Variants in BBS4 observed in about 807,000 individuals in gnomAD.
The protein encoded by BBS4 is BBSome complex member BBS4.
Under a neutral mutation model 71.4 loss-of-function variants are expected in BBS4, and 58 were observed. That is an observed-to-expected ratio of 0.81 (90% CI 0.66 to 1.01). The LOEUF is 1.01. Ranked by LOEUF, BBS4 falls within the 50% of genes least tolerant of loss-of-function variation. The pLI, the probability that BBS4 is intolerant of heterozygous loss-of-function variation, is 0.00. For synonymous variants in BBS4, 228 were observed against 216.8 expected, an observed-to-expected ratio of 1.05 and a Z score of -0.46; for missense variants, 660 against 607.9, an observed-to-expected ratio of 1.09 and a Z score of -0.90.
intron 9 of BBS4, 85 bp downstream of exon 9, chr15:72,728,079 T>C (rs2065737224): frequency 6.6e-6 from 6 of 907,366 alleles, no homozygotes; most frequent in African/African-American, 1.6e-5. Context: ...TGCATTCTGA[T>C]ATTTATTTTA....
At chr15:72,707,587 GTTTAC>G (rs1459539428) in intron 2 of BBS4, among the ~76,000 whole-genome samples, 1 of 152,176 alleles carries the variant, frequency 6.6e-6, no homozygotes, top group African/African-American at 2.4e-5. Flanking sequence ...ATTTAGTCAT[GTTTAC>G]TTTAAAGCTT....
At position 72,737,483 on chromosome 15, in the gene BBS4, G is replaced by A. The variant is rs141373654; in HGVS notation, c.1456G>A (p.Gly486Arg). The part of the protein sequence containing the change: ...AAYRTLPSGA[G>R]GTSQFTKPPS... ...AGTTTTTATTTTGTTACTAGGTGCT[G>A]GAGGAACATCCCAGTTCACAAAGCC... The change falls in exon 16 of 16, where the codon GGA becomes AGA. Residue 486 changes from glycine (G) to arginine (R), a missense_variant. Coordinates refer to ENST00000268057, the MANE Select transcript of BBS4 (RefSeq NM_033028.5). The A allele has an allele frequency of 1.2e-5, 19 of 1,611,534 alleles. No homozygotes were observed. The highest frequency in any genetic ancestry group is 6.6e-5 in the South Asian group (6 of 90,368).
At chr15:72,733,423 ATTTTT>A (rs1555502014) in intron 12 of BBS4, among the ~76,000 whole-genome samples, 1 of 151,354 alleles carries the variant, frequency 6.6e-6, no homozygotes, top group South Asian at 2.1e-4. Flanking sequence ...CCCAATAGTT[ATTTTT>A]TTCTGGCCCT....
intron 11 of BBS4, 48 bp from the exon 12 acceptor site, chr15:72,731,507 G>A: frequency 6.2e-7 from 1 of 1,614,120 alleles, no homozygotes; most frequent in South Asian, 1.1e-5. Context: ...GTGGTTATTG[G>A]GTCTGTTTAG....
chr15:72,694,239 G>A (rs1194925516), intron 1 of BBS4, among the ~76,000 whole-genome samples: 1 of 150,730 alleles, frequency 6.6e-6, no homozygotes, highest in Non-Finnish European at 1.5e-5. Context: ...TGCCCAGGCC[G>A]GGGGGCGATG....
chr15:72,687,808 G>C (rs1379039740), intron 1 of BBS4, among the ~76,000 whole-genome samples: 1 of 150,512 alleles, frequency 6.6e-6, no homozygotes, highest in African/African-American at 2.4e-5. Context: ...GCGGGCGCTG[G>C]TAATCCCAGC....
intron 8 of BBS4, among the ~76,000 whole-genome samples, chr15:72,725,920 C>T (rs2065684024): frequency 1.3e-4 from 1 of 7,692 alleles, no homozygotes; most frequent in African/African-American, 4.3e-4. Flanking sequence ...TCCCCATCCC[C>T]CTTCCCCCTT....
At chr15:72,717,172 C>CA (rs1471923328) in intron 6 of BBS4, 6 of 315,224 alleles carry the variant, frequency 1.9e-5, no homozygotes, top group South Asian at 1.8e-4. Context: ...AGTTGTGTTT[C>CA]ATGTCTTTTT....
In BBS4 at chr15:72,709,793, A is replaced by G. The variant is rs376500884; in HGVS notation, c.156+14A>G. On this transcript the variant is annotated intron_variant, in intron 3 of 15. Coordinates refer to ENST00000268057, the MANE Select transcript of BBS4 (RefSeq NM_033028.5). ...GAAGCCTGCAAGGTAAGAGATTGCCATAATAATAAAAATGAGAGGCAGGAT... is the reference window on the plus strand; with the variant it reads ...GAAGCCTGCAAGGTAAGAGATTGCCGTAATAATAAAAATGAGAGGCAGGAT... The G allele has an allele frequency of 1.0e-5, 16 of 1,605,720 alleles. No individual in the cohort carries two copies. In the African/African-American group the frequency reaches 1.2e-4, roughly 12 times the overall value.
rs997900348 is a variant in BBS4, at chr15:72,697,936, T to C, written c.76+2708T>C. The C allele has an allele frequency of 2.3e-4, 106 of 455,470 alleles. 1 individual carries two copies. Among genetic ancestry groups the C allele is most frequent in the Admixed American group, 1.9e-4 (8 of 42,502 alleles). The allele number at this position is 455,470 out of a possible 1,614,324, so 28.2% of individuals were successfully genotyped here. On this transcript the variant is annotated intron_variant, in intron 2 of 15. Transcript: ENST00000268057. The stretch of plus-strand genomic sequence containing the variant: ...CTACTTGGTGGTTCTGAGAAAATAA[T>C]ATGCTACATGAGGCTACTGAAGTCC...
At chr15:72,697,446 A>G (rs547188549) in intron 2 of BBS4, among the ~76,000 whole-genome samples, 1 of 152,252 alleles carries the variant, frequency 6.6e-6, no homozygotes, top group Middle Eastern at 3.4e-3. Flanking sequence ...TGTCCTGTAT[A>G]TTGTAGGATG....
intron 3 of BBS4, among the ~76,000 whole-genome samples, chr15:72,711,293 A>G (rs2065366981): frequency 6.6e-6 from 1 of 151,606 alleles, no homozygotes; most frequent in African/African-American, 2.4e-5. Flanking sequence ...GATTACAGGC[A>G]TGTGCCACCA....
At chr15:72,702,802 C>CTTTTTTTTTTTTT (rs59816410) in intron 2 of BBS4, among the ~76,000 whole-genome samples, 4 of 73,486 alleles carry the variant, frequency 5.4e-5, no homozygotes, top group East Asian at 6.2e-4. Context: ...GGAGCTGACT[C>CTTTTTTTTTTTTT]TTTTTTTTTT....
chr15:72,712,500 CATAG>C (rs1177435048), intron 4 of BBS4, among the ~76,000 whole-genome samples, 193 bp downstream of exon 4: 1 of 152,146 alleles, frequency 6.6e-6, no homozygotes, highest in African/African-American at 2.4e-5. Context: ...CTTACACAAA[CATAG>C]ATGGATGATA....
At chr15:72,711,875 C>G (rs1223043751) in intron 3 of BBS4, among the ~76,000 whole-genome samples, 4 of 148,838 alleles carry the variant, frequency 2.7e-5, no homozygotes, top group African/African-American at 9.9e-5. Context: ...TATTTGTTTT[C>G]TTTTTTTTTT....
At chr15:72,702,559 C>A (rs928304319) in intron 2 of BBS4, among the ~76,000 whole-genome samples, 4 of 151,284 alleles carry the variant, frequency 2.6e-5, no homozygotes, top group Non-Finnish European at 5.9e-5. Flanking sequence ...TGACTTTTTT[C>A]TTCCTCATTT....
At chr15:72,691,026 A>C (rs1226002364) in intron 1 of BBS4, among the ~76,000 whole-genome samples, 1 of 151,864 alleles carries the variant, frequency 6.6e-6, no homozygotes, top group Non-Finnish European at 1.5e-5. Flanking sequence ...TGTCTTTATA[A>C]ATTTTTGTGA....
intron 1 of BBS4, chr15:72,686,808 T>G (rs181025090): frequency 2.8e-6 from 1 of 352,786 alleles, no homozygotes; most frequent in Admixed American, 3.8e-5. Flanking sequence ...CGCTATTTTT[T>G]GAGGCATATA....
chr15:72,712,337 A>G (rs759165564), intron 4 of BBS4, 30 bp downstream of exon 4: 9 of 1,595,598 alleles, frequency 5.6e-6, no homozygotes, highest in Non-Finnish European at 3.4e-6. Context: ...TCTTCTTGCT[A>G]GAGAAATACA....
Sources: allele counts gnomAD v4.1 joint callset (sites outside exome capture counted in the v4.1 genomes callset), GRCh38; gene constraint gnomAD v4.1.1; transcripts MANE v1.5; gene names NCBI Gene and HGNC (gene_info 2026-07-23, HGNC 2026-07-21).